ZFHX3: variants seen among roughly 807,000 people sequenced by gnomAD.
The protein encoded by ZFHX3 is zinc finger homeobox protein 3.
A neutral mutation model predicts 279.1 loss-of-function variants in ZFHX3; 42 were observed. The ratio of observed to expected loss-of-function variants is 0.15; its 90% CI spans 0.12 to 0.19. The LOEUF is 0.19. Ranked by LOEUF, ZFHX3 falls within the 10% of genes least tolerant of loss-of-function variation. The probability of loss-of-function intolerance (pLI) is 1.00; values close to 1 mark genes in which losing one functional copy is unlikely to be tolerated. For missense variants in ZFHX3, 4,981 were observed against 4,754.0 expected (o/e 1.05, Z -1.40); for synonymous variants, 2,293 against 1,957.8 (o/e 1.17, Z -4.52).
At chr16:73,846,937 T>C (rs1288190375) in intron 1 of ZFHX3, among the ~76,000 whole-genome samples, 1 of 152,230 alleles carries the variant, frequency 6.6e-6, no homozygotes, top group Non-Finnish European at 1.5e-5. Context: ...AAATAGTTTT[T>C]TTTTCTCCTT....
At chr16:73,043,523 A>G (rs1306878969) in intron 1 of ZFHX3, among the ~76,000 whole-genome samples, 1 of 152,218 alleles carries the variant, frequency 6.6e-6, no homozygotes, top group African/African-American at 2.4e-5. Context: ...AACGTCAAAG[A>G]AAGAAAAAAT....
At chr16:73,368,937 T>A (rs1853574100) in intron 3 of ZFHX3, among the ~76,000 whole-genome samples, 1 of 152,210 alleles carries the variant, frequency 6.6e-6, no homozygotes, top group Non-Finnish European at 1.5e-5. Flanking sequence ...CAGCTGAGAT[T>A]GGAATCTGGG....
At chr16:73,122,343 C>A (rs1364437840) in intron 7 of ZFHX3, among the ~76,000 whole-genome samples, 1 of 151,630 alleles carries the variant, frequency 6.6e-6, no homozygotes, top group Non-Finnish European at 1.5e-5. Context: ...ATAGCTGGAA[C>A]TACAGGTGCA....
At chr16:73,661,649 G>A (rs181229509) in intron 2 of ZFHX3, among the ~76,000 whole-genome samples, 241 of 151,324 alleles carry the variant, frequency 1.6e-3, no homozygotes, top group African/African-American at 5.2e-3. Context: ...TTGAACCCGG[G>A]AGGTGAAGGT....
rs185742245 is a variant in ZFHX3 at position 73,884,263 on chromosome 16, T to C, written c.-1608+7388A>G. On this transcript the variant is annotated intron_variant, in intron 1 of 17. Transcript: ENST00000641206. Reference sequence around the variant, plus strand: ...GATCTGAATACAACACCTTGTTTTATTTTTGTATATTATGCTCAGTGTTTT... The same window carrying C: ...GATCTGAATACAACACCTTGTTTTACTTTTGTATATTATGCTCAGTGTTTT... Among the ~76,000 whole-genome samples the C allele has an allele frequency of 2.4e-3, 369 of 152,298 alleles. 1 individual carries two copies. Among genetic ancestry groups the C allele is most frequent in the African/African-American group, 8.4e-3 (348 of 41,572 alleles).
intron 3 of ZFHX3, among the ~76,000 whole-genome samples, chr16:73,374,851 C>G (rs2016695002): frequency 6.6e-6 from 1 of 152,212 alleles, no homozygotes; most frequent in Non-Finnish European, 1.5e-5. Flanking sequence ...TCCTTTCTCT[C>G]TGGTAAATTG....
intron 3 of ZFHX3, among the ~76,000 whole-genome samples, chr16:73,406,113 G>A (rs992894255): frequency 6.6e-6 from 1 of 152,272 alleles, no homozygotes; most frequent in Non-Finnish European, 1.5e-5. Context: ...CCGGCCTCAG[G>A]ATGCCCCATC....
intron 4 of ZFHX3, among the ~76,000 whole-genome samples, chr16:72,845,486 G>A (rs1031813590): frequency 6.6e-6 from 1 of 152,056 alleles, no homozygotes; most frequent in Non-Finnish European, 1.5e-5. Context: ...AGCCACGCCC[G>A]GCCCTGAACC....
intron 5 of ZFHX3, among the ~76,000 whole-genome samples, chr16:73,207,869 CCAA>C (rs1423861848): frequency 6.6e-6 from 1 of 152,096 alleles, no homozygotes; most frequent in Non-Finnish European, 1.5e-5. Context: ...GTAAATTGCG[CCAA>C]CGTTTTGGAA....
chr16:73,840,662 G>C (rs1332045543), intron 1 of ZFHX3, among the ~76,000 whole-genome samples: 1 of 152,158 alleles, frequency 6.6e-6, no homozygotes, highest in Non-Finnish European at 1.5e-5. Context: ...AGCCTCCAAG[G>C]CACTGTACAG....
chr16:73,240,112 C>A (rs2013076265), intron 5 of ZFHX3, among the ~76,000 whole-genome samples: 1 of 151,752 alleles, frequency 6.6e-6, no homozygotes, highest in African/African-American at 2.4e-5. Context: ...ATAATGCATA[C>A]CTGAATGAAG....
Position 72,878,822 on chromosome 16 carries a change from T to C in ZFHX3, c.3448+10909A>G, listed in dbSNP as rs375975120. On this transcript the variant is annotated intron_variant, in intron 4 of 9. Transcript: ENST00000268489. ...GCTGCTGTCTACAGCAGCCCTGTCCTCAGGAACCTTCTCCAGGGAAGGAAA... is the reference window on the plus strand; with the variant it reads ...GCTGCTGTCTACAGCAGCCCTGTCCCCAGGAACCTTCTCCAGGGAAGGAAA... Among the ~76,000 whole-genome samples, 10 of 152,268 alleles carry C rather than the reference T, an allele frequency of 6.6e-5. No individual in the cohort carries two copies. The East Asian group carries it at 1.5e-3, about 24-fold the overall frequency.
intron 4 of ZFHX3, among the ~76,000 whole-genome samples, chr16:73,304,261 T>C (rs2143141814): frequency 6.6e-6 from 1 of 152,256 alleles, no homozygotes; most frequent in Admixed American, 6.5e-5. Context: ...GATGAAGAGC[T>C]GGGAGACCCC....
intron 3 of ZFHX3, among the ~76,000 whole-genome samples, chr16:73,378,989 C>T (rs188684066): frequency 6.6e-6 from 1 of 152,212 alleles, no homozygotes; most frequent in Admixed American, 6.5e-5. Context: ...AGACAGTACA[C>T]CTTGAGGTTC....
intron 1 of ZFHX3, among the ~76,000 whole-genome samples, chr16:73,710,582 T>C (rs1480492432): frequency 6.6e-6 from 1 of 152,170 alleles, no homozygotes; most frequent in East Asian, 1.9e-4. Flanking sequence ...ATGGGTGAGC[T>C]TCAGTTCTCT....
chr16:73,099,756 C>T (rs530142680), intron 7 of ZFHX3, among the ~76,000 whole-genome samples: 7 of 150,632 alleles, frequency 4.6e-5, no homozygotes, highest in Non-Finnish European at 8.8e-5. Context: ...CTCTGTGTGT[C>T]CTGCTCTCAG....
intron 1 of ZFHX3, among the ~76,000 whole-genome samples, chr16:73,874,692 T>C (rs1423541149): frequency 6.6e-6 from 1 of 152,350 alleles, no homozygotes; most frequent in Non-Finnish European, 1.5e-5. Flanking sequence ...TGTGTTTGAA[T>C]ATACACCACC....
At chr16:73,698,938 G>T (rs149516710) in intron 1 of ZFHX3, among the ~76,000 whole-genome samples, 2 of 152,172 alleles carry the variant, frequency 1.3e-5, no homozygotes, top group South Asian at 4.1e-4. Flanking sequence ...AGGCTGGAGT[G>T]CAGTGGCGTG....
intron 4 of ZFHX3, among the ~76,000 whole-genome samples, chr16:73,275,358 A>G (rs1597256598): frequency 6.6e-6 from 1 of 152,256 alleles, no homozygotes. Flanking sequence ...TTAGGTTTTC[A>G]AAAGGAGATT....
Sources: allele counts gnomAD v4.1 joint callset (sites outside exome capture counted in the v4.1 genomes callset), GRCh38; gene constraint gnomAD v4.1.1; transcripts MANE v1.5; gene names NCBI Gene and HGNC (gene_info 2026-07-23, HGNC 2026-07-21).